FYB2: variants seen among roughly 807,000 people sequenced by gnomAD.
FYB2 encodes FYN binding protein 2, also known as FYN-binding protein 2.
In FYB2, 103 loss-of-function variants were observed where a neutral mutation model predicts 94.1. The ratio of observed to expected loss-of-function variants is 1.09; its 90% CI spans 0.93 to 1.29. The LOEUF (loss-of-function observed/expected upper bound fraction) is 1.29, where lower values mean the gene tolerates loss of function less well. FYB2 is among the 50% of genes most tolerant of loss of function. FYB2 has a pLI of 0.00. For missense variants in FYB2, 896 were observed against 841.5 expected (o/e 1.06, Z -0.80); for synonymous variants, 293 against 287.9 (o/e 1.02, Z -0.18).
chr1:56,738,986 A>G (rs1644890587), intron 13 of FYB2, among the ~76,000 whole-genome samples: 1 of 152,028 alleles, frequency 6.6e-6, no homozygotes, highest in Non-Finnish European at 1.5e-5. Context: ...TACATTCCAG[A>G]CCATGAGAAT....
chr1:56,754,146 T>A (rs530180775), intron 7 of FYB2, among the ~76,000 whole-genome samples: 1 of 152,190 alleles, frequency 6.6e-6, no homozygotes, highest in African/African-American at 2.4e-5. Flanking sequence ...TGTCAATTGC[T>A]GCTTAAAATC....
intron 1 of FYB2, among the ~76,000 whole-genome samples, chr1:56,796,711 C>A (rs186253808): frequency 7.9e-5 from 12 of 152,272 alleles, no homozygotes; most frequent in Admixed American, 5.2e-4. Flanking sequence ...GGCCTCCCCC[C>A]AACATGCTTT....
chr1:56,776,740 CCT>C (rs1382733088), intron 4 of FYB2, among the ~76,000 whole-genome samples: 1 of 152,168 alleles, frequency 6.6e-6, no homozygotes, highest in African/African-American at 2.4e-5. Context: ...AGCCTGGTCT[CCT>C]GACTGCCTGT....
intron 4 of FYB2, among the ~76,000 whole-genome samples, chr1:56,774,076 T>G (rs921436579): frequency 1.8e-4 from 27 of 152,310 alleles, no homozygotes; most frequent in African/African-American, 6.5e-4. Context: ...AATTCATTTG[T>G]GCCAGGTTCA....
At chr1:56,792,862 C>A in intron 1 of FYB2, 59 bp from the exon 2 acceptor site, 1 of 1,484,026 alleles carries the variant, frequency 6.7e-7, no homozygotes, top group Non-Finnish European at 9.1e-7. Flanking sequence ...ACAACAACAA[C>A]AAAAACAAGT....
intron 4 of FYB2, among the ~76,000 whole-genome samples, chr1:56,775,327 C>T (rs1008408441): frequency 6.6e-6 from 1 of 152,114 alleles, no homozygotes; most frequent in Non-Finnish European, 1.5e-5. Flanking sequence ...GACCACAAAA[C>T]CATGATCACC....
chr1:56,794,973 T>C (rs2100992871), intron 1 of FYB2, among the ~76,000 whole-genome samples: 1 of 152,056 alleles, frequency 6.6e-6, no homozygotes, highest in East Asian at 1.9e-4. Flanking sequence ...TTTTTTATAT[T>C]GTGGTAAAAT....
At chr1:56,724,585 A>C (rs1199876427) in intron 16 of FYB2, among the ~76,000 whole-genome samples, 1 of 152,032 alleles carries the variant, frequency 6.6e-6, no homozygotes, top group African/African-American at 2.4e-5. Flanking sequence ...CTGCCTGCAG[A>C]GTCATTTTTC....
chr1:56,799,089 CTTAA>C (rs1646464144), intron 1 of FYB2, among the ~76,000 whole-genome samples: 1 of 152,092 alleles, frequency 6.6e-6, no homozygotes, highest in African/African-American at 2.4e-5. Flanking sequence ...TATATGATGT[CTTAA>C]TTAATTTCCA....
intron 1 of FYB2, among the ~76,000 whole-genome samples, chr1:56,804,087 C>A (rs946686010): frequency 6.6e-6 from 1 of 152,182 alleles, no homozygotes; most frequent in Non-Finnish European, 1.5e-5. Context: ...GTCCAAGGAA[C>A]GGATTTGAAA....
At chr1:56,759,369 TA>T (rs1383028605) in intron 5 of FYB2, among the ~76,000 whole-genome samples, 2 of 152,154 alleles carry the variant, frequency 1.3e-5, no homozygotes, top group African/African-American at 2.4e-5. Flanking sequence ...AGAACATACT[TA>T]TACAAACCTA....
At chr1:56,765,420 T>G (rs1324296332) in intron 5 of FYB2, among the ~76,000 whole-genome samples, 5 of 152,178 alleles carry the variant, frequency 3.3e-5, no homozygotes, top group South Asian at 2.1e-4. Flanking sequence ...AAATCCCAGC[T>G]CCCTACTTGA....
At chr1:56,819,185 A>T in intron 1 of FYB2, 97 bp downstream of exon 1, 3 of 1,438,900 alleles carry the variant, frequency 2.1e-6, no homozygotes, top group Non-Finnish European at 2.8e-6. Flanking sequence ...GAGGCAGCAC[A>T]CACAAGCAGT....
rs367918551 is a variant in FYB2, at chr1:56,767,937, G to C, written c.955C>G (p.Leu319Val). 18 of 1,579,404 alleles carry C rather than the reference G, an allele frequency of 1.1e-5. No homozygotes were observed. Among genetic ancestry groups the C allele is most frequent in the Non-Finnish European group, 1.5e-5 (17 of 1,164,592 alleles). ...GGTTCTTCAAATTCTGCATTGAAAAGCCTGGAGAAAAAAGGGTTACTTAAA... is the reference window on the plus strand; with the variant it reads ...GGTTCTTCAAATTCTGCATTGAAAACCCTGGAGAAAAAAGGGTTACTTAAA... ...VEEGSLSPER[L>V]FNAEFEEPHN... The change falls in exon 5 of 20, where the codon CTT becomes GTT. Residue 319 changes from leucine to valine, a missense_variant and splice_region_variant. By Grantham distance (32) the Leu-to-Val change is conservative. Coordinates refer to ENST00000343433, the MANE Select transcript of FYB2 (RefSeq NM_001004303.5).
chr1:56,792,781 T>A lies in FYB2; in HGVS notation c.32A>T (p.Glu11Val), dbSNP rs968089972. The stretch of plus-strand genomic sequence containing the variant: ...AAGATTTTGAAATTTGGCTCGAAGT[T>A]CCTTGAAGTTTCTTACCCCTTCCTA... MEGEGVRNFKELRAKFQNLDA... is the reference protein window; with the variant it reads MEGEGVRNFKVLRAKFQNLDA... Residue 11 changes from glutamate to valine, a missense_variant, in exon 2 of 20, where the codon GAA becomes GTA. Coordinates refer to ENST00000343433, the MANE Select transcript of FYB2 (RefSeq NM_001004303.5). The A allele has an allele frequency of 6.2e-7, 1 of 1,612,504 alleles. No homozygotes were observed. Among genetic ancestry groups the A allele is most frequent in the Non-Finnish European group, 8.5e-7 (1 of 1,179,366 alleles).
intron 6 of FYB2, among the ~76,000 whole-genome samples, chr1:56,757,687 C>CTTCCTTCCTTCCTTCCTTTCT (rs1293394860): frequency 1.4e-5 from 1 of 71,940 alleles, no homozygotes; most frequent in African/African-American, 6.3e-5. Context: ...TCCTTCCTTC[C>CTTCCTTCCTTCCTTCCTTTCT]TTCTTTCTTT....
intron 17 of FYB2, among the ~76,000 whole-genome samples, chr1:56,722,158 T>TATCA: frequency 6.6e-6 from 1 of 152,066 alleles, no homozygotes; most frequent in East Asian, 1.9e-4. Flanking sequence ...TCAAGTAACA[T>TATCA]CAGGGTTGCA....
intron 9 of FYB2, 134 bp downstream of exon 9, chr1:56,750,910 T>C (rs1645181641): frequency 9.8e-7 from 1 of 1,024,082 alleles, no homozygotes; most frequent in African/African-American, 1.6e-5. Context: ...CTGCACAGCT[T>C]CCTCACTAGG....
intron 15 of FYB2, among the ~76,000 whole-genome samples, chr1:56,733,403 T>C (rs1557589154): frequency 6.6e-6 from 1 of 152,268 alleles, no homozygotes; most frequent in East Asian, 1.9e-4. Flanking sequence ...ATTGATTTTT[T>C]GAAGGTTTTT....
Sources: allele counts gnomAD v4.1 joint callset (sites outside exome capture counted in the v4.1 genomes callset), GRCh38; gene constraint gnomAD v4.1.1; transcripts MANE v1.5; gene names NCBI Gene and HGNC (gene_info 2026-07-23, HGNC 2026-07-21).